MRAP2: variants seen among roughly 807,000 people sequenced by gnomAD.
MRAP2 encodes melanocortin 2 receptor accessory protein 2, also known as melanocortin-2 receptor accessory protein 2.
A neutral mutation model predicts 17.4 loss-of-function variants in MRAP2; 20 were observed. The ratio of observed to expected loss-of-function variants is 1.15; its 90% CI spans 0.81 to 1.67. The LOEUF (loss-of-function observed/expected upper bound fraction) is 1.67, where lower values mean the gene tolerates loss of function less well. MRAP2 is among the 40% of genes most tolerant of loss of function. The pLI is 0.00. For synonymous variants in MRAP2, 96 were observed against 88.4 expected (o/e 1.09, Z -0.48); for missense variants, 238 against 240.0 (o/e 0.99, Z 0.05).
intron 2 of MRAP2, among the ~76,000 whole-genome samples, chr6:84,059,120 A>G (rs1177143514): frequency 6.6e-6 from 1 of 152,194 alleles, no homozygotes; most frequent in Non-Finnish European, 1.5e-5. Context: ...ATGAGTGGAC[A>G]ATCACATTTT....
chr6:84,143,382 A>G, the MRAP2 span, among the ~76,000 whole-genome samples: 1 of 152,060 alleles, frequency 6.6e-6, no homozygotes, highest in Admixed American at 6.6e-5. Flanking sequence ...AATGTTACTA[A>G]GGATTAAAAG....
chr6:84,041,077 G>A (rs543195701), intron 1 of MRAP2, among the ~76,000 whole-genome samples: 208 of 152,294 alleles, frequency 1.4e-3, no homozygotes, highest in African/African-American at 3.2e-3. Context: ...CCCCTGCTGC[G>A]TGCAGTCTAG....
chr6:84,038,554 T>C (rs1453283843), intron 1 of MRAP2, among the ~76,000 whole-genome samples: 2 of 152,138 alleles, frequency 1.3e-5, no homozygotes, highest in East Asian at 3.9e-4. Flanking sequence ...TGCAGTGGCA[T>C]GATCACAGCT....
At chr6:84,037,694 C>G (rs1359835698) in intron 1 of MRAP2, among the ~76,000 whole-genome samples, 1 of 152,154 alleles carries the variant, frequency 6.6e-6, no homozygotes, top group Non-Finnish European at 1.5e-5. Flanking sequence ...TGCTGGGGGA[C>G]CTGGCGCCCC....
chr6:84,068,101 T>C (rs1391697441), intron 3 of MRAP2, among the ~76,000 whole-genome samples: 1 of 152,204 alleles, frequency 6.6e-6, no homozygotes, highest in Non-Finnish European at 1.5e-5. Flanking sequence ...TTCATTCTTC[T>C]ACCTGTGGCT....
chr6:84,083,742 A>G (rs1221549484), intron 3 of MRAP2, among the ~76,000 whole-genome samples: 1 of 152,228 alleles, frequency 6.6e-6, no homozygotes, highest in Non-Finnish European at 1.5e-5. Flanking sequence ...ACAGTACTCA[A>G]TTTAAGTGCT....
the MRAP2 span, among the ~76,000 whole-genome samples, chr6:84,121,093 T>C: frequency 6.8e-6 from 1 of 147,172 alleles, no homozygotes; most frequent in Non-Finnish European, 1.5e-5. Flanking sequence ...TTTTTTTTTT[T>C]ACAGGCAGGG....
the MRAP2 span, among the ~76,000 whole-genome samples, chr6:84,141,358 A>C: frequency 6.6e-6 from 1 of 152,170 alleles, no homozygotes; most frequent in Non-Finnish European, 1.5e-5. Flanking sequence ...TGTCAAGTCT[A>C]GTCTAAGCAA....
intron 1 of MRAP2, among the ~76,000 whole-genome samples, chr6:84,049,981 C>CGTGTGTGTGTGTGTGTGTGTGTGT (rs566111982): frequency 7.4e-6 from 1 of 134,368 alleles, no homozygotes; most frequent in African/African-American, 3.3e-5. Context: ...TGCGTGCATT[C>CGTGTGTGTGTGTGTGTGTGTGTGT]ATGTGTGTGT....
chr6:84,121,755 T>C, the MRAP2 span, among the ~76,000 whole-genome samples: 1 of 151,952 alleles, frequency 6.6e-6, no homozygotes, highest in Non-Finnish European at 1.5e-5. Flanking sequence ...TTGAAATAAA[T>C]GAAAATAGAG....
At chr6:84,130,177 T>C in the MRAP2 span, among the ~76,000 whole-genome samples, 1 of 152,192 alleles carries the variant, frequency 6.6e-6, no homozygotes, top group Admixed American at 6.5e-5. Flanking sequence ...TTGCGTATGG[T>C]GAACCAGACT....
chr6:84,112,953 G>A, the MRAP2 span, among the ~76,000 whole-genome samples: 1 of 152,178 alleles, frequency 6.6e-6, no homozygotes, highest in Admixed American at 6.5e-5. Context: ...ATTGCACTGT[G>A]GTCTGAGAGA....
At chr6:84,142,765 C>G in the MRAP2 span, among the ~76,000 whole-genome samples, 3 of 152,170 alleles carry the variant, frequency 2.0e-5, no homozygotes, top group South Asian at 2.1e-4. Flanking sequence ...AGTTCATCCC[C>G]AAATCAAACG....
Position 84,055,358 on chromosome 6 carries a change from C to A in MRAP2, c.40C>A (p.Gln14Lys), listed in dbSNP as rs2099491420. The change falls in exon 2 of 4, where the codon CAA becomes AAA. Residue 14 changes from glutamine (Q) to lysine (K), a missense_variant. Transcript: ENST00000257776. ...QRLISNRTSQ[Q>K]SASNSDYTWE... ...GTTAATTTCTAACAGAACCTCCCAG[C>A]AATCGGCATCTAATTCTGATTACAC... The A allele has an allele frequency of 6.2e-7, 1 of 1,613,650 alleles. No individual in the cohort carries two copies. Among genetic ancestry groups the A allele is most frequent in the African/African-American group, 1.3e-5 (1 of 74,910 alleles).
At chr6:84,041,094 G>A (rs2099487447) in intron 1 of MRAP2, among the ~76,000 whole-genome samples, 2 of 152,164 alleles carry the variant, frequency 1.3e-5, no homozygotes, top group African/African-American at 4.8e-5. Flanking sequence ...CTAGAGACTT[G>A]GTGCCCTGCA....
intron 2 of MRAP2, among the ~76,000 whole-genome samples, chr6:84,060,287 T>C (rs2099492760): frequency 6.6e-6 from 1 of 152,164 alleles, no homozygotes; most frequent in African/African-American, 2.4e-5. Flanking sequence ...AACCCTCCCA[T>C]GCTTCACATT....
At chr6:84,034,022 G>A in intron 1 of MRAP2, 139 bp downstream of exon 1, 1 of 638,188 alleles carries the variant, frequency 1.6e-6, no homozygotes, top group Non-Finnish European at 2.0e-6. Flanking sequence ...AGAATGGGGT[G>A]GGAGGAGGAG....
chr6:84,069,330 T>G (rs567540658), intron 3 of MRAP2, among the ~76,000 whole-genome samples: 4 of 152,338 alleles, frequency 2.6e-5, no homozygotes, highest in African/African-American at 9.6e-5. Flanking sequence ...TCAAATGCAC[T>G]TTCTGCATCT....
the MRAP2 span, among the ~76,000 whole-genome samples, chr6:84,136,694 G>A: frequency 6.6e-6 from 1 of 152,128 alleles, no homozygotes; most frequent in Non-Finnish European, 1.5e-5. Context: ...ACTGACATCT[G>A]CTCACTAAGT....
Sources: allele counts gnomAD v4.1 joint callset (sites outside exome capture counted in the v4.1 genomes callset), GRCh38; gene constraint gnomAD v4.1.1; transcripts MANE v1.5; gene names NCBI Gene and HGNC (gene_info 2026-07-23, HGNC 2026-07-21).